Variants in MACROD2 observed in about 807,000 individuals in gnomAD.
MACROD2 encodes the protein mono-ADP ribosylhydrolase 2.
In MACROD2, 36 loss-of-function variants were observed where a neutral mutation model predicts 70.4. The observed-to-expected ratio is 0.51, with a 90% CI of 0.39 to 0.68. The LOEUF (loss-of-function observed/expected upper bound fraction) is 0.68, where lower values mean the gene tolerates loss of function less well. Among genes scored for constraint, MACROD2 ranks in the 30% least tolerant of loss-of-function variants. The pLI is 0.00. For missense variants in MACROD2, 496 were observed against 538.4 expected (o/e 0.92, Z 0.78); for synonymous variants, 172 against 178.8 (o/e 0.96, Z 0.30).
intron 3 of MACROD2, among the ~76,000 whole-genome samples, chr20:14,273,835 C>T (rs1334905729): frequency 4.6e-5 from 7 of 151,936 alleles, no homozygotes; most frequent in African/African-American, 1.2e-4. Flanking sequence ...CCCACAGAAA[C>T]ACAAACTACC....
chr20:15,676,865 C>T (rs892909459), intron 8 of MACROD2, among the ~76,000 whole-genome samples: 2 of 152,136 alleles, frequency 1.3e-5, no homozygotes, highest in Non-Finnish European at 2.9e-5. Context: ...AGCTCTAATA[C>T]TGATAAATAA....
chr20:14,836,315 A>G (rs909321953), intron 5 of MACROD2, among the ~76,000 whole-genome samples: 7 of 152,090 alleles, frequency 4.6e-5, no homozygotes, highest in Non-Finnish European at 1.0e-4. Context: ...GTATTGAAGC[A>G]TCTTTAGTGA....
At chr20:15,291,438 A>G (rs922755079) in intron 6 of MACROD2, among the ~76,000 whole-genome samples, 1 of 152,192 alleles carries the variant, frequency 6.6e-6, no homozygotes, top group African/African-American at 2.4e-5. Context: ...CATTGACAGA[A>G]TGGTGGCTTG....
At chr20:14,410,518 G>T (rs915409563) in intron 3 of MACROD2, among the ~76,000 whole-genome samples, 1 of 152,084 alleles carries the variant, frequency 6.6e-6, no homozygotes, top group Non-Finnish European at 1.5e-5. Flanking sequence ...TAGGATGATG[G>T]CCTTTAGCTG....
At chr20:15,076,107 A>G (rs2075655894) in intron 5 of MACROD2, among the ~76,000 whole-genome samples, 1 of 152,020 alleles carries the variant, frequency 6.6e-6, no homozygotes, top group African/African-American at 2.4e-5. Flanking sequence ...GTGTGAATAA[A>G]TATATATGTT....
At chr20:15,309,464 G>A (rs1600226271) in intron 6 of MACROD2, among the ~76,000 whole-genome samples, 1 of 152,290 alleles carries the variant, frequency 6.6e-6, no homozygotes, top group Admixed American at 6.5e-5. Context: ...TTGCTGAGTA[G>A]GAGAAATTTC....
intron 3 of MACROD2, among the ~76,000 whole-genome samples, chr20:14,366,174 C>G (rs1246428622): frequency 6.6e-6 from 1 of 151,968 alleles, no homozygotes; most frequent in Non-Finnish European, 1.5e-5. Flanking sequence ...TCTAAATATT[C>G]TATTTATTGT....
chr20:14,775,493 TTTTTA>T (rs894329478), intron 5 of MACROD2, among the ~76,000 whole-genome samples: 1 of 151,912 alleles, frequency 6.6e-6, no homozygotes, highest in African/African-American at 2.4e-5. Context: ...ACCATATTCT[TTTTTA>T]ACAACCAATT....
chr20:15,858,205 C>G (rs1327748142), intron 8 of MACROD2, among the ~76,000 whole-genome samples: 1 of 152,024 alleles, frequency 6.6e-6, no homozygotes, highest in African/African-American at 2.4e-5. Context: ...GAAATGATCA[C>G]TTTATATCTG....
rs78791643 is a variant in MACROD2, at chr20:15,499,691, A to G, written c.572-83A>G. 1.9e-4 allele frequency: 240 copies of G among 1,236,544 alleles called. No homozygotes were observed. The East Asian group carries it at 5.6e-3, about 29-fold the overall frequency. The allele number at this position is 1,236,544 out of a possible 1,614,324, so 76.6% of individuals were successfully genotyped here. A position where few individuals can be genotyped will look rare whatever the true frequency, so the allele number is the denominator to read the frequency against. ...TGAACTGAATGTTGTTTAAATGAGA[A>G]AACTCCAGTATCATAGCGTGATTAG... On this transcript the variant is annotated intron_variant, in intron 7 of 17. Transcript: ENST00000684519.
chr20:15,402,575 C>T (rs559396190), intron 6 of MACROD2, among the ~76,000 whole-genome samples: 1 of 152,066 alleles, frequency 6.6e-6, no homozygotes, highest in Non-Finnish European at 1.5e-5. Context: ...TCAAAAGGCT[C>T]CAAAATGGAA....
chr20:14,527,338 A>G (rs749988188), intron 4 of MACROD2, among the ~76,000 whole-genome samples: 1 of 152,202 alleles, frequency 6.6e-6, no homozygotes, highest in Non-Finnish European at 1.5e-5. Context: ...ACATTTGGGC[A>G]GAAAATGCCT....
intron 8 of MACROD2, among the ~76,000 whole-genome samples, chr20:15,548,154 A>G (rs1397296166): frequency 6.6e-6 from 1 of 152,106 alleles, no homozygotes; most frequent in Non-Finnish European, 1.5e-5. Context: ...TTTCTTTTGG[A>G]AACAGTTTTG....
At chr20:14,647,540 G>T (rs1294822551) in intron 4 of MACROD2, among the ~76,000 whole-genome samples, 2 of 152,006 alleles carry the variant, frequency 1.3e-5, no homozygotes, top group Admixed American at 6.6e-5. Flanking sequence ...CTCAGTATTT[G>T]TGCCCCAGTT....
chr20:15,360,385 A>T (rs899640141), intron 6 of MACROD2, among the ~76,000 whole-genome samples: 1 of 152,176 alleles, frequency 6.6e-6, no homozygotes, highest in Non-Finnish European at 1.5e-5. Flanking sequence ...TGAACCAGCA[A>T]TCATGTGATT....
At chr20:15,560,220 A>C (rs892621059) in intron 8 of MACROD2, among the ~76,000 whole-genome samples, 4 of 152,214 alleles carry the variant, frequency 2.6e-5, no homozygotes, top group African/African-American at 7.2e-5. Context: ...GAGTAAAATT[A>C]GGAGACCCAA....
chr20:16,029,987 G>A (rs2067131157), intron 15 of MACROD2, among the ~76,000 whole-genome samples: 3 of 152,176 alleles, frequency 2.0e-5, no homozygotes, highest in Admixed American at 2.0e-4. Flanking sequence ...CTTCCTTGAA[G>A]AAGGAGCCAC....
rs1555798359 is a variant in MACROD2 at position 14,515,471 on chromosome 20, A to ACACGCG, written c.301+21966_301+21967insGCGCAC. On this transcript the variant is annotated intron_variant, in intron 4 of 17. Coordinates refer to ENST00000684519, the MANE Select transcript of MACROD2 (RefSeq NM_001351661.2). Reference sequence around the variant, plus strand: ...ATGTGAGATACACACACACGCACACACACACACACACACACACACACACAC... The same window carrying ACACGCG: ...ATGTGAGATACACACACACGCACACACACGCGCACACACACACACACACACACACAC... Among the ~76,000 whole-genome samples, 156 of 99,864 alleles carry ACACGCG rather than the reference A, an allele frequency of 1.6e-3. 1 individual carries two copies. Among genetic ancestry groups the ACACGCG allele is most frequent in the South Asian group, 3.3e-3 (9 of 2,724 alleles). The allele number at this position is 99,864 out of a possible 152,430, so 65.5% of individuals were successfully genotyped here.
At chr20:15,285,821 T>C (rs2077485885) in intron 6 of MACROD2, among the ~76,000 whole-genome samples, 1 of 152,232 alleles carries the variant, frequency 6.6e-6, no homozygotes, top group African/African-American at 2.4e-5. Flanking sequence ...AAGTTCCTAC[T>C]ATGAAAGTTA....
Sources: gnomAD v4.1 joint callset for allele counts (sites outside exome capture counted in the v4.1 genomes callset) on GRCh38, gnomAD v4.1.1 for gene constraint, MANE v1.5 for transcripts, NCBI Gene and HGNC (gene_info 2026-07-23, HGNC 2026-07-21) for gene names.